MARCHF3: variants seen among roughly 807,000 people sequenced by gnomAD.
The protein encoded by MARCHF3 is E3 ubiquitin-protein ligase MARCHF3.
Under a neutral mutation model 24.2 loss-of-function variants are expected in MARCHF3, and 13 were observed. The observed-to-expected ratio is 0.54, with a 90% CI of 0.35 to 0.85. MARCHF3 has a LOEUF of 0.85. Ranked by LOEUF, MARCHF3 falls within the 40% of genes least tolerant of loss-of-function variation. MARCHF3 has a pLI of 0.01. For missense variants in MARCHF3, 276 were observed against 325.0 expected, an observed-to-expected ratio of 0.85 and a Z score of 1.16; for synonymous variants, 144 against 137.3, an observed-to-expected ratio of 1.05 and a Z score of -0.34.
chr5:126,928,958 T>C (rs1418808106), intron 1 of MARCHF3, among the ~76,000 whole-genome samples: 2 of 152,212 alleles, frequency 1.3e-5, no homozygotes, highest in Non-Finnish European at 1.5e-5. Flanking sequence ...ACAAACTTAA[T>C]ATTCCCTTGA....
intron 1 of MARCHF3, among the ~76,000 whole-genome samples, chr5:126,970,307 C>T (rs776508273): frequency 1.2e-4 from 19 of 152,114 alleles, no homozygotes; most frequent in Non-Finnish European, 1.9e-4. Context: ...AGGCTGGTCT[C>T]GAACTCCTGA....
chr5:127,026,989 G>A (rs1753019494), intron 1 of MARCHF3, among the ~76,000 whole-genome samples: 1 of 152,200 alleles, frequency 6.6e-6, no homozygotes, highest in Admixed American at 6.5e-5. Flanking sequence ...TAGAAAGAGG[G>A]AAGGGTAACT....
intron 1 of MARCHF3, among the ~76,000 whole-genome samples, chr5:127,006,908 A>T (rs975267651): frequency 1.3e-5 from 2 of 152,180 alleles, no homozygotes; most frequent in Admixed American, 1.3e-4. Flanking sequence ...TGAATGATGC[A>T]GTGAATGAAT....
chr5:126,975,749 G>A (rs1751171601), intron 1 of MARCHF3, among the ~76,000 whole-genome samples: 1 of 152,170 alleles, frequency 6.6e-6, no homozygotes. Context: ...AGGTCCATGT[G>A]GGTGAAGCTA....
Position 126,878,346 on chromosome 5 carries a change from C to T in MARCHF3, c.442G>A (p.Asp148Asn). 3 of 1,614,154 alleles carry T rather than the reference C, an allele frequency of 1.9e-6. No individual in the cohort carries two copies. Among genetic ancestry groups the T allele is most frequent in the Non-Finnish European group, 2.5e-6 (3 of 1,180,008 alleles). The change falls in exon 4 of 5, where the codon GAC becomes AAC. Residue 148 changes from aspartate (D) to asparagine (N), a missense_variant. By Grantham distance (23) the Asp-to-Asn change is conservative (BLOSUM62 1). Transcript: ENST00000308660. ...GTTATAAACAAGAAGCACACCATGTCGCCAAACAGAGTCCGCTTCTCATGC... is the reference window on the plus strand; with the variant it reads ...GTTATAAACAAGAAGCACACCATGTTGCCAAACAGAGTCCGCTTCTCATGC... Reference protein sequence around the residue: ...PQHEKRTLFGDMVCFLFITPL... With the variant: ...PQHEKRTLFGNMVCFLFITPL...
intron 2 of MARCHF3, among the ~76,000 whole-genome samples, chr5:126,916,527 A>G (rs1024589053): frequency 6.6e-6 from 1 of 152,162 alleles, no homozygotes; most frequent in Non-Finnish European, 1.5e-5. Context: ...CTAGCCTGAA[A>G]GGCCTACTTG....
chr5:126,884,128 G>A (rs980163531), intron 3 of MARCHF3, among the ~76,000 whole-genome samples: 1 of 152,224 alleles, frequency 6.6e-6, no homozygotes, highest in Non-Finnish European at 1.5e-5. Flanking sequence ...GAGCTGGAAT[G>A]TGAGGGGGGC....
At position 127,030,526 on chromosome 5, in the gene MARCHF3, CG is replaced by C. The variant is rs1310201154; in HGVS notation, c.-234del. 6.6e-6 allele frequency: 1 copy of C among 152,556 alleles called. No homozygotes were observed. Among genetic ancestry groups the C allele is most frequent in the African/African-American group, 2.4e-5 (1 of 41,480 alleles). 9.5% of individuals were successfully genotyped at this position (152,556 alleles called of 1,614,324 possible). A position where few individuals can be genotyped will look rare whatever the true frequency, so the allele number is the denominator to read the frequency against. ...GCCGCGGCCACACAGTCGCCCACAGCGCGCTGACAATTCACGGACCTGCTCA... is the reference window on the plus strand; with the variant it reads ...GCCGCGGCCACACAGTCGCCCACAGCCGCTGACAATTCACGGACCTGCTCA... On this transcript the variant is annotated 5_prime_UTR_variant, in exon 1 of 5. Transcript: ENST00000308660.
chr5:126,993,113 T>C (rs1409969242), intron 1 of MARCHF3, among the ~76,000 whole-genome samples: 1 of 152,072 alleles, frequency 6.6e-6, no homozygotes, highest in African/African-American at 2.4e-5. Flanking sequence ...TGATCCACAA[T>C]AGGCTACAGA....
At chr5:126,947,650 G>A (rs891889487) in intron 1 of MARCHF3, among the ~76,000 whole-genome samples, 2 of 152,150 alleles carry the variant, frequency 1.3e-5, no homozygotes, top group Admixed American at 6.5e-5. Flanking sequence ...GGGAAGAGGG[G>A]AAGTCTGTTT....
At chr5:126,932,942 G>A (rs1489315436) in intron 1 of MARCHF3, among the ~76,000 whole-genome samples, 1 of 152,148 alleles carries the variant, frequency 6.6e-6, no homozygotes, top group Non-Finnish European at 1.5e-5. Context: ...ACAAAGGGAA[G>A]AATCAAACTA....
chr5:127,026,451 C>T (rs991224407), intron 1 of MARCHF3, among the ~76,000 whole-genome samples: 23 of 152,180 alleles, frequency 1.5e-4, no homozygotes, highest in African/African-American at 5.6e-4. Flanking sequence ...TTATTTGCCT[C>T]TCTGGGTCAA....
At chr5:126,946,392 GAATAGAATTAAATTAAAAAAA>G (rs1268643136) in intron 1 of MARCHF3, 1 of 146,992 alleles carries the variant, frequency 6.8e-6, no homozygotes, top group Non-Finnish European at 1.5e-5. Flanking sequence ...AAAAAAAAAG[GAATAGAATTAAATTAAAAAAA>G]AATGCCAGAG....
At chr5:126,921,596 T>G (rs1003797120) in intron 1 of MARCHF3, among the ~76,000 whole-genome samples, 2 of 152,214 alleles carry the variant, frequency 1.3e-5, no homozygotes, top group Admixed American at 1.3e-4. Context: ...AGCATGGGTC[T>G]TCTATTGAGC....
chr5:126,991,026 G>A (rs1040739141), intron 1 of MARCHF3, among the ~76,000 whole-genome samples: 2 of 152,160 alleles, frequency 1.3e-5, no homozygotes, highest in African/African-American at 2.4e-5. Context: ...AATAGCATTC[G>A]ACCCAGCCAT....
intron 1 of MARCHF3, among the ~76,000 whole-genome samples, chr5:127,015,421 T>C (rs142582535): frequency 2.5e-3 from 376 of 152,278 alleles, no homozygotes; most frequent in Non-Finnish European, 3.9e-3. Flanking sequence ...TGATTATTTA[T>C]TCAGTTGAAT....
intron 1 of MARCHF3, among the ~76,000 whole-genome samples, chr5:127,001,789 C>T (rs751146072): frequency 6.6e-6 from 1 of 152,152 alleles, no homozygotes; most frequent in African/African-American, 2.4e-5. Flanking sequence ...CCACATGATG[C>T]AAGTAAGTCA....
At chr5:126,872,938 G>A (rs1007187017) in intron 4 of MARCHF3, among the ~76,000 whole-genome samples, 10 of 152,140 alleles carry the variant, frequency 6.6e-5, no homozygotes, top group African/African-American at 2.4e-5. Context: ...GAGGCAGGCT[G>A]GGAAGCCAGC....
chr5:126,967,578 AG>A (rs1401807640), intron 1 of MARCHF3, among the ~76,000 whole-genome samples: 5 of 152,130 alleles, frequency 3.3e-5, no homozygotes, highest in African/African-American at 1.2e-4. Flanking sequence ...CTGTAATCCC[AG>A]CTACTTGGGA....
Sources: allele counts gnomAD v4.1 joint callset (sites outside exome capture counted in the v4.1 genomes callset), GRCh38; gene constraint gnomAD v4.1.1; transcripts MANE v1.5; gene names NCBI Gene and HGNC (gene_info 2026-07-23, HGNC 2026-07-21).